The following COL5A2 variants were observed in gnomAD, a reference collection of about 807,000 sequenced individuals.
The protein encoded by COL5A2 is collagen type V alpha 2 chain.
A neutral mutation model predicts 208.2 loss-of-function variants in COL5A2; 23 were observed. The observed-to-expected ratio is 0.11, with a 90% CI of 0.08 to 0.16. The LOEUF is 0.16. Ranked by LOEUF, COL5A2 falls within the 10% of genes least tolerant of loss-of-function variation. The pLI, the probability that COL5A2 is intolerant of heterozygous loss-of-function variation, is 1.00. For missense variants in COL5A2, 1,590 were observed against 1,956.4 expected, an observed-to-expected ratio of 0.81 and a Z score of 3.53; for synonymous variants, 625 against 628.5, an observed-to-expected ratio of 0.99 and a Z score of 0.08.
the COL5A2 span, among the ~76,000 whole-genome samples, chr2:189,440,314 T>C: frequency 6.6e-6 from 1 of 152,252 alleles, no homozygotes; most frequent in Non-Finnish European, 1.5e-5. Context: ...GATTTCATCA[T>C]TGTGTGAATA....
In COL5A2 at chr2:189,041,577, T is replaced by A. The variant is rs764795972; in HGVS notation, c.3633+9A>T. Reference sequence around the variant, plus strand: ...AGCATTTCTTGCATGTAAACCTTTGTGACTTTACCTCAGGTCCTGCTTCTC... The same window carrying A: ...AGCATTTCTTGCATGTAAACCTTTGAGACTTTACCTCAGGTCCTGCTTCTC... On this transcript the variant is annotated intron_variant, in intron 50 of 53. Coordinates refer to ENST00000374866, the MANE Select transcript of COL5A2 (RefSeq NM_000393.5). 4.4e-6 allele frequency: 7 copies of A among 1,594,814 alleles called. No individual in the cohort carries two copies. The East Asian group carries it at 1.6e-4, about 36-fold the overall frequency.
At chr2:189,225,637 C>T (rs756554068), upstream of COL5A2, among the ~76,000 whole-genome samples, 3 of 151,602 alleles carry the variant, frequency 2.0e-5, no homozygotes, top group Admixed American at 6.6e-5. Flanking sequence ...AATAGTTTTT[C>T]AGCAAAAAGA....
intron 1 of COL5A2, among the ~76,000 whole-genome samples, chr2:189,193,175 C>T (rs1688952255): frequency 6.6e-6 from 1 of 152,102 alleles, no homozygotes; most frequent in Non-Finnish European, 1.5e-5. Context: ...GTTTTAGTAG[C>T]CCAAAGCAGA....
intron 1 of COL5A2, among the ~76,000 whole-genome samples, chr2:189,111,951 C>T (rs1483924225): frequency 1.3e-5 from 2 of 151,854 alleles, no homozygotes; most frequent in East Asian, 1.9e-4. Flanking sequence ...TTGCAACCTC[C>T]GCTTCCTGGG....
At chr2:189,144,805 G>A (rs1475400164) in intron 1 of COL5A2, among the ~76,000 whole-genome samples, 3 of 152,112 alleles carry the variant, frequency 2.0e-5, no homozygotes, top group Admixed American at 6.6e-5. Flanking sequence ...ACTTGCTAAT[G>A]TAGATGAAGA....
intron 1 of COL5A2, among the ~76,000 whole-genome samples, chr2:189,178,394 A>G (rs576968475): frequency 5.8e-4 from 88 of 152,142 alleles, no homozygotes; most frequent in African/African-American, 2.0e-3. Flanking sequence ...GTATATATAC[A>G]TATATACCTG....
At chr2:189,352,603 G>A in the COL5A2 span, among the ~76,000 whole-genome samples, 6 of 152,160 alleles carry the variant, frequency 3.9e-5, no homozygotes, top group Non-Finnish European at 8.8e-5. Context: ...CTTCTTTTGA[G>A]AAGAGTCTGT....
At chr2:189,257,583 G>T in the COL5A2 span, among the ~76,000 whole-genome samples, 2 of 152,160 alleles carry the variant, frequency 1.3e-5, no homozygotes, top group Non-Finnish European at 2.9e-5. Flanking sequence ...TACCACAGGT[G>T]TAACAACAAA....
At chr2:189,223,565 C>T (rs774388529) in intron 1 of COL5A2, among the ~76,000 whole-genome samples, 50 of 152,098 alleles carry the variant, frequency 3.3e-4, no homozygotes, top group Non-Finnish European at 6.3e-4. Flanking sequence ...AGCCAGCAAC[C>T]GCCCACGTGT....
At chr2:189,052,655 C>T in intron 40 of COL5A2, 94 bp downstream of exon 40, 1 of 1,191,830 alleles carries the variant, frequency 8.4e-7, no homozygotes, top group Non-Finnish European at 1.2e-6. Context: ...TTTGTTATTT[C>T]AGTCTCAGAT....
At chr2:189,236,757 A>G in the COL5A2 span, among the ~76,000 whole-genome samples, 4 of 151,836 alleles carry the variant, frequency 2.6e-5, no homozygotes, top group African/African-American at 7.2e-5. Context: ...AGTATTATGG[A>G]TATGTAAGAC....
chr2:189,340,758 G>A, the COL5A2 span, among the ~76,000 whole-genome samples: 1 of 152,134 alleles, frequency 6.6e-6, no homozygotes. Context: ...TTCTGAAGTT[G>A]AGGTTTTGAC....
chr2:189,272,695 G>T, the COL5A2 span, among the ~76,000 whole-genome samples: 2 of 151,848 alleles, frequency 1.3e-5, no homozygotes, highest in African/African-American at 4.8e-5. Flanking sequence ...CAACTATTTA[G>T]AAACAATTTC....
upstream of COL5A2, among the ~76,000 whole-genome samples, chr2:189,183,402 G>T (rs1336239133): frequency 8.2e-4 from 125 of 151,662 alleles, no homozygotes; most frequent in Non-Finnish European, 1.8e-4. Context: ...ATTGACTTGG[G>T]GTATATTAAC....
At chr2:189,223,765 TG>T (rs1430570036) in intron 1 of COL5A2, among the ~76,000 whole-genome samples, 2 of 152,144 alleles carry the variant, frequency 1.3e-5, no homozygotes, top group Non-Finnish European at 2.9e-5. Flanking sequence ...TTCATAATAA[TG>T]GTTAACTTGA....
chr2:189,237,146 T>A, the COL5A2 span, among the ~76,000 whole-genome samples: 1 of 151,780 alleles, frequency 6.6e-6, no homozygotes, highest in Non-Finnish European at 1.5e-5. Context: ...GGTTTACTGT[T>A]TACCTCAGTT....
the COL5A2 span, among the ~76,000 whole-genome samples, chr2:189,384,827 C>T: frequency 6.6e-6 from 1 of 152,036 alleles, no homozygotes; most frequent in Admixed American, 6.6e-5. Flanking sequence ...TTGCATAAAC[C>T]AATGTTCTGT....
chr2:189,113,539 T>G (rs912973834), intron 1 of COL5A2, among the ~76,000 whole-genome samples: 3 of 150,020 alleles, frequency 2.0e-5, no homozygotes, highest in African/African-American at 4.9e-5. Flanking sequence ...TATAACAATA[T>G]ATGTATGTTT....
At chr2:189,251,872 A>G in the COL5A2 span, among the ~76,000 whole-genome samples, 2 of 152,134 alleles carry the variant, frequency 1.3e-5, no homozygotes, top group Non-Finnish European at 1.5e-5. Flanking sequence ...CTGACAAAGG[A>G]GTAATATCCA....
Sources: allele counts gnomAD v4.1 joint callset (sites outside exome capture counted in the v4.1 genomes callset), GRCh38; gene constraint gnomAD v4.1.1; transcripts MANE v1.5; gene names NCBI Gene and HGNC (gene_info 2026-07-23, HGNC 2026-07-21).